Variants in SMG7 observed in about 807,000 individuals in gnomAD.
SMG7 encodes nonsense-mediated mRNA decay factor SMG7.
SMG7 carries 34 observed loss-of-function variants against 148.2 expected under a neutral mutation model. The ratio of observed to expected loss-of-function variants is 0.23; its 90% CI spans 0.17 to 0.31. SMG7 has a LOEUF of 0.31. Among genes scored for constraint, SMG7 ranks in the 10% least tolerant of loss-of-function variants. SMG7 has a pLI of 1.00. For synonymous variants in SMG7, 492 were observed against 515.1 expected (o/e 0.96, Z 0.61); for missense variants, 1,114 against 1,408.4 (o/e 0.79, Z 3.35).
At chr1:183,531,382 T>C in intron 8 of SMG7, among the ~76,000 whole-genome samples, 1 of 152,144 alleles carries the variant, frequency 6.6e-6, no homozygotes, top group East Asian at 1.9e-4. Flanking sequence ...TCAACTGTAG[T>C]TGAAAGTTTG....
chr1:183,528,789 A>T, intron 6 of SMG7, 103 bp from the exon 7 acceptor site: 1 of 1,030,108 alleles, frequency 9.7e-7, no homozygotes, highest in Non-Finnish European at 1.4e-6. Context: ...CCTTATAAAA[A>T]TACTCCCCAT....
At chr1:183,529,098 C>CTT in intron 7 of SMG7, 56 bp downstream of exon 7, 23 of 1,490,806 alleles carry the variant, frequency 1.5e-5, no homozygotes, top group Non-Finnish European at 2.1e-5. Context: ...AACCTGGAGC[C>CTT]TTAATTCCTC....
chr1:183,546,391 G>A (rs1328457639), intron 17 of SMG7, 54 bp downstream of exon 17: 2 of 1,542,722 alleles, frequency 1.3e-6, no homozygotes, highest in Non-Finnish European at 8.7e-7. Context: ...GAGGTTGACT[G>A]TCTTTTGAAT....
chr1:183,495,586 C>A (rs978749677), intron 1 of SMG7, among the ~76,000 whole-genome samples: 4 of 152,000 alleles, frequency 2.6e-5, no homozygotes, highest in African/African-American at 9.7e-5. Context: ...AAAAGGCAAA[C>A]TGGGCCAAGC....
At chr1:183,547,800 A>G (rs929457573) in intron 18 of SMG7, among the ~76,000 whole-genome samples, 2 of 152,246 alleles carry the variant, frequency 1.3e-5, no homozygotes, top group Non-Finnish European at 2.9e-5. Flanking sequence ...GATTCTATTT[A>G]TAAACATTGT....
chr1:183,513,023 G>A, intron 2 of SMG7, 155 bp downstream of exon 2: 8 of 640,128 alleles, frequency 1.2e-5, no homozygotes, highest in Non-Finnish European at 2.0e-5. Context: ...TATTGTTTAT[G>A]TAGTTTGAAT....
Position 183,515,880 on chromosome 1 carries a change from A to G in SMG7, c.68A>G (p.Lys23Arg), listed in dbSNP as rs778204655. Residue 23 changes from lysine (K) to arginine (R), a missense_variant, in exon 3 of 23, where the codon AAG becomes AGG. By Grantham distance (26) the Lys-to-Arg change is conservative. Around this residue, in one of 4 missense-constraint regions of SMG7, gnomAD observed 216 missense variants for 329.1 expected, o/e 0.66. Transcript: ENST00000688051. ...TTTTGTTTTTGTTACTCAGATTCTA[A>G]GCTGGGTCCAGCTGAAGTCTGGACA... ...EVLKADMTDSKLGPAEVWTSR... is the reference protein window; with the variant it reads ...EVLKADMTDSRLGPAEVWTSR... 4 of 1,610,142 alleles carry G rather than the reference A, an allele frequency of 2.5e-6. No homozygotes were observed. Among genetic ancestry groups the G allele is most frequent in the Non-Finnish European group, 3.4e-6 (4 of 1,177,092 alleles).
chr1:183,550,668 G>T lies in SMG7; in HGVS notation c.3134-83G>T, dbSNP rs148636098. 5,504 of 1,337,702 alleles carry T rather than the reference G, an allele frequency of 4.1e-3. 20 individuals carry two copies. Among genetic ancestry groups the T allele is most frequent in the Non-Finnish European group, 5.0e-3 (4,761 of 948,014 alleles). The allele number at this position is 1,337,702 out of a possible 1,614,324, so 82.9% of individuals were successfully genotyped here. On this transcript the variant is annotated intron_variant, in intron 20 of 22. Transcript: ENST00000688051. ...TGGTTATTGTTAGTAGAATTTTAGT[G>T]ATCAGATCTACAGGAACCTGTAGTT...
intron 1 of SMG7, among the ~76,000 whole-genome samples, chr1:183,511,637 C>CA (rs1557997222): frequency 2.0e-5 from 3 of 152,152 alleles, no homozygotes; most frequent in Non-Finnish European, 4.4e-5. Context: ...TCTTTACCCT[C>CA]AGAGTAGTGG....
At position 183,537,209 on chromosome 1, in the gene SMG7, A is replaced by G. The variant is rs745521666; in HGVS notation, c.1228A>G (p.Ile410Val). The G allele has an allele frequency of 1.2e-6, 2 of 1,609,654 alleles. No homozygotes were observed. Among genetic ancestry groups the G allele is most frequent in the Non-Finnish European group, 1.7e-6 (2 of 1,176,088 alleles). The change falls in exon 11 of 23, where the codon ATT (isoleucine) becomes GTT (valine). Residue 410 changes from isoleucine (I) to valine (V), a missense_variant. Ile to Val is a conservative substitution (Grantham distance 29, BLOSUM62 3). Transcript: ENST00000688051. ...TCCCCATGAAGAGGACCTCTCAAGT[A>G]TTAGTGGTAAGGGCTACCCTAACCT... is the stretch of plus-strand genomic sequence containing the variant. ...FHPHEEDLSS[I>V]SATPLPEEFE... is the part of the protein sequence containing the mutation.
chr1:183,502,377 A>G (rs1249844023), intron 1 of SMG7: 4 of 1,534,146 alleles, frequency 2.6e-6, no homozygotes, highest in Non-Finnish European at 3.5e-6. Flanking sequence ...AGCATCTGAA[A>G]TCAAGTAATA....
In SMG7 at chr1:183,535,858, CT is replaced by C. The variant is rs202175741; in HGVS notation, c.1164-1283del. ...AAGACATTGTACAGTATAGTATTCT[CT>C]TTTAGTTTACTGACCTTTTTTTCCA... On this transcript the variant is annotated intron_variant, in intron 10 of 22. Transcript: ENST00000688051. 2.8e-3 allele frequency among the ~76,000 whole-genome samples: 422 copies of C among 152,228 alleles called. 3 individuals are homozygous for C. The highest frequency in any genetic ancestry group is 3.1e-3 in the Non-Finnish European group (211 of 67,954).
At chr1:183,477,806 G>A (rs1653020621) in intron 1 of SMG7, among the ~76,000 whole-genome samples, 1 of 151,746 alleles carries the variant, frequency 6.6e-6, no homozygotes, top group South Asian at 2.1e-4. Context: ...ATATGTATAT[G>A]TGTCTATGCA....
At chr1:183,478,142 T>G (rs1007857320) in intron 1 of SMG7, among the ~76,000 whole-genome samples, 3 of 152,072 alleles carry the variant, frequency 2.0e-5, no homozygotes, top group African/African-American at 7.2e-5. Context: ...AATAGGATGG[T>G]CTCCAGGTTC....
chr1:183,516,672 T>G (rs1023925767), intron 3 of SMG7, among the ~76,000 whole-genome samples: 4 of 152,208 alleles, frequency 2.6e-5, no homozygotes, highest in African/African-American at 4.8e-5. Flanking sequence ...TTACCCTAAG[T>G]TTTGGTGAAG....
At chr1:183,481,304 G>A (rs1056089764) in intron 1 of SMG7, among the ~76,000 whole-genome samples, 2 of 152,146 alleles carry the variant, frequency 1.3e-5, no homozygotes, top group African/African-American at 4.8e-5. Context: ...GTGCCACACT[G>A]TACTAGCTTA....
chr1:183,494,608 AAC>A lies in SMG7; in HGVS notation c.30-18228_30-18227del, dbSNP rs1657958575. ...CAGCTCTTATGTTTCTAAAAAAAAA[AAC>A]GTATTTTTTTCACCTTTGGTTTTAA... On this transcript the variant is annotated intron_variant, in intron 1 of 22. Transcript: ENST00000688051. 4.0e-5 allele frequency among the ~76,000 whole-genome samples: 6 copies of A among 151,390 alleles called. No homozygotes were observed. In the South Asian group the frequency reaches 1.0e-3, roughly 26 times the overall value.
At chr1:183,538,739 G>A (rs902161410) in intron 12 of SMG7, among the ~76,000 whole-genome samples, 1 of 152,060 alleles carries the variant, frequency 6.6e-6, no homozygotes, top group African/African-American at 2.4e-5. Context: ...CCAGTGTCTT[G>A]TCTTTCTTTC....
chr1:183,544,410 G>T lies in SMG7; in HGVS notation c.1900G>T (p.Val634Leu). The T allele has an allele frequency of 1.2e-6, 2 of 1,613,890 alleles. No homozygotes were observed. The highest frequency in any genetic ancestry group is 1.7e-6 in the Non-Finnish European group (2 of 1,179,864). The change falls in exon 15 of 23, where the codon GTA (valine) becomes TTA (leucine). Residue 634 changes from valine (V) to leucine (L), a missense_variant. Physicochemically the swap from Val to Leu is conservative, Grantham distance 32 (BLOSUM62 1). Transcript: ENST00000688051. Reference sequence around the variant, plus strand: ...AGTGTCTGAAGCCAGAAAAACACCTGTAACTCAAACCCCAACTCAAGCAAG... The same window carrying T: ...AGTGTCTGAAGCCAGAAAAACACCTTTAACTCAAACCCCAACTCAAGCAAG... ...TPVSEARKTP[V>L]TQTPTQASNS...
Sources: allele counts gnomAD v4.1 joint callset (sites outside exome capture counted in the v4.1 genomes callset), GRCh38; gene constraint gnomAD v4.1.1; regional missense constraint gnomAD v4.1.1; transcripts MANE v1.5; gene names NCBI Gene and HGNC (gene_info 2026-07-23, HGNC 2026-07-21).